Variants in GLI3 observed in about 807,000 individuals in gnomAD.
The protein encoded by GLI3 is GLI family zinc finger 3.
In GLI3, 20 loss-of-function variants were observed where a neutral mutation model predicts 100.8. The observed-to-expected ratio is 0.20, with a 90% confidence interval of 0.14 to 0.29. The LOEUF (loss-of-function observed/expected upper bound fraction) is 0.29, where lower values mean the gene tolerates loss of function less well. Ranked by LOEUF, GLI3 falls within the 10% of genes least tolerant of loss-of-function variation. GLI3 has a pLI of 1.00. For missense variants in GLI3, 2,040 were observed against 2,128.5 expected (o/e 0.96, Z 0.82); for synonymous variants, 938 against 860.5 (o/e 1.09, Z -1.58).
chr7:42,140,961 G>A (rs1243465614), intron 3 of GLI3, among the ~76,000 whole-genome samples: 3 of 152,128 alleles, frequency 2.0e-5, no homozygotes, highest in Non-Finnish European at 4.4e-5. Flanking sequence ...GGGAAAGGAC[G>A]GAGGGAAAGA....
intron 1 of GLI3, among the ~76,000 whole-genome samples, chr7:42,248,982 C>T (rs560842566): frequency 1.3e-5 from 2 of 152,064 alleles, no homozygotes; most frequent in South Asian, 4.2e-4. Flanking sequence ...GCTCAAGAGA[C>T]CCATTCACCT....
At chr7:42,100,120 T>C (rs753195028) in intron 3 of GLI3, among the ~76,000 whole-genome samples, 2 of 152,192 alleles carry the variant, frequency 1.3e-5, no homozygotes, top group East Asian at 1.9e-4. Flanking sequence ...AATACCAGTG[T>C]CTCCCACTCC....
chr7:42,257,124 A>G (rs1205332938), intron 1 of GLI3, among the ~76,000 whole-genome samples: 1 of 152,102 alleles, frequency 6.6e-6, no homozygotes, highest in African/African-American at 2.4e-5. Flanking sequence ...TTGATCTTGT[A>G]TCTTGAACCT....
chr7:42,246,130 T>G (rs1350149871), intron 1 of GLI3, among the ~76,000 whole-genome samples: 2 of 152,204 alleles, frequency 1.3e-5, no homozygotes, highest in Non-Finnish European at 2.9e-5. Flanking sequence ...AGCTCCTCCC[T>G]TACCAACTTC....
At chr7:42,048,412 T>C (rs1462656684) in intron 5 of GLI3, 79 bp downstream of exon 5, 11 of 945,300 alleles carry the variant, frequency 1.2e-5, no homozygotes, top group Non-Finnish European at 1.9e-5. Flanking sequence ...AAACATCAGG[T>C]CTACTTTATA....
chr7:41,964,314 CT>C lies in GLI3; in HGVS notation c.*15del. On this transcript the variant is annotated 3_prime_UTR_variant, in exon 15 of 15. Transcript: ENST00000395925. ...CCTATTGATTTCCGTTGGTTGCAGT[CT>C]TTTTTTCCTAAAGCCTATTGCATAA... is the stretch of plus-strand genomic sequence containing the variant. 3 of 1,611,762 alleles carry C rather than the reference CT, an allele frequency of 1.9e-6. No individual in the cohort carries two copies. The highest frequency in any genetic ancestry group is 2.5e-6 in the Non-Finnish European group (3 of 1,177,940).
chr7:42,206,926 C>T (rs1337094143), intron 2 of GLI3, among the ~76,000 whole-genome samples: 3 of 152,134 alleles, frequency 2.0e-5, no homozygotes, highest in Non-Finnish European at 4.4e-5. Context: ...AAGAAGATAT[C>T]CAAACGGCCG....
At chr7:41,987,101 GACACACACACACAC>G (rs34005460) in intron 10 of GLI3, among the ~76,000 whole-genome samples, 1 of 140,614 alleles carries the variant, frequency 7.1e-6, no homozygotes, top group Non-Finnish European at 1.5e-5. Context: ...CACAGACACA[GACACACACACACAC>G]ACACACACAC....
At chr7:42,043,977 C>T (rs532986844) in intron 6 of GLI3, among the ~76,000 whole-genome samples, 4 of 152,244 alleles carry the variant, frequency 2.6e-5, no homozygotes, top group African/African-American at 2.4e-5. Context: ...CTGAAGAAGA[C>T]GTAACACATT....
intron 7 of GLI3, among the ~76,000 whole-genome samples, chr7:42,036,334 T>C (rs1789437422): frequency 1.3e-5 from 2 of 152,204 alleles, no homozygotes; most frequent in Admixed American, 1.3e-4. Context: ...ATGATGAGAA[T>C]TCTAATTACT....
At chr7:42,127,455 A>C (rs769608004) in intron 3 of GLI3, among the ~76,000 whole-genome samples, 6 of 152,238 alleles carry the variant, frequency 3.9e-5, no homozygotes, top group Non-Finnish European at 4.4e-5. Flanking sequence ...AACTGTTTGC[A>C]GACTGTGGTG....
Position 42,023,620 on chromosome 7 carries a change from G to T in GLI3, c.1357-12C>A. ...CCTTCGGGCTGTTCCTGAAAGAAGA[G>T]GGTGGGGGGCAGGGAACAGAGAAGG... On this transcript the variant is annotated splice_polypyrimidine_tract_variant and intron_variant, in intron 9 of 14. Transcript: ENST00000395925. 6.2e-7 allele frequency: 1 copy of T among 1,603,766 alleles called. No individual in the cohort carries two copies. Among genetic ancestry groups the T allele is most frequent in the Non-Finnish European group, 8.5e-7 (1 of 1,170,632 alleles).
rs1341423207 is a variant in GLI3, at chr7:41,966,717, C to T, written c.2432-76G>A. 8 of 1,486,882 alleles carry T rather than the reference C, an allele frequency of 5.4e-6. No homozygotes were observed. The highest frequency in any genetic ancestry group is 7.5e-6 in the Non-Finnish European group (8 of 1,070,954). 92.1% of individuals were successfully genotyped at this position (1,486,882 alleles called of 1,614,324 possible). ...ATGACTTACACCAGGCATGAGCAAC[C>T]CTTTTCTGTAAAGGGCCAGCTAGGA... is the stretch of plus-strand genomic sequence containing the variant. On this transcript the variant is annotated intron_variant, in intron 14 of 14. Transcript: ENST00000395925. This position sits in a 1 kb window ranked among gnomAD's most constrained non-coding sequence, Gnocchi z 5.8.
chr7:42,216,744 GAA>G (rs1788385834), intron 2 of GLI3, among the ~76,000 whole-genome samples: 1 of 152,308 alleles, frequency 6.6e-6, no homozygotes, highest in Non-Finnish European at 1.5e-5. Flanking sequence ...TATGAGGAGA[GAA>G]AGAGACTGGG....
intron 3 of GLI3, among the ~76,000 whole-genome samples, chr7:42,083,151 AT>A (rs2128753698): frequency 6.6e-6 from 1 of 152,156 alleles, no homozygotes; most frequent in Non-Finnish European, 1.5e-5. Flanking sequence ...CAATCTTTCT[AT>A]TTTTTTGTAC....
intron 10 of GLI3, among the ~76,000 whole-genome samples, chr7:42,001,202 A>C (rs1199276006): frequency 1.4e-5 from 2 of 138,342 alleles, no homozygotes; most frequent in Non-Finnish European, 1.5e-5. Context: ...CCGAGATCAC[A>C]CTCCAGCCTG....
intron 10 of GLI3, among the ~76,000 whole-genome samples, chr7:42,020,379 C>G (rs1284882857): frequency 6.6e-6 from 1 of 152,132 alleles, no homozygotes; most frequent in African/African-American, 2.4e-5. Flanking sequence ...TCAGCAAAGC[C>G]CTTCAATTGC....
chr7:42,201,331 C>T (rs1788034823), intron 2 of GLI3, among the ~76,000 whole-genome samples: 1 of 152,146 alleles, frequency 6.6e-6, no homozygotes, highest in Admixed American at 6.5e-5. Context: ...GGAGGGACTC[C>T]TGTAATAAAT....
At chr7:42,179,504 T>C (rs1015469220) in intron 2 of GLI3, among the ~76,000 whole-genome samples, 4 of 152,154 alleles carry the variant, frequency 2.6e-5, no homozygotes, top group African/African-American at 9.7e-5. Flanking sequence ...TTGTAAAGGC[T>C]CACTGTGTTG....
Sources: gnomAD v4.1 joint callset for allele counts (sites outside exome capture counted in the v4.1 genomes callset) on GRCh38, gnomAD v4.1.1 for gene constraint, Gnocchi (gnomAD v3.1) non-coding constraint, MANE v1.5 for transcripts, NCBI Gene and HGNC (gene_info 2026-07-23, HGNC 2026-07-21) for gene names.